ZNF746: variants seen among roughly 807,000 people sequenced by gnomAD.
The protein encoded by ZNF746 is parkin-interacting substrate.
ZNF746 carries 13 observed loss-of-function variants against 41.0 expected under a neutral mutation model. That is an observed-to-expected ratio of 0.32 (90% confidence interval 0.21 to 0.50). ZNF746 has a LOEUF of 0.50. ZNF746 is among the 20% of genes least tolerant of loss of function. The probability of loss-of-function intolerance (pLI) is 0.98; values close to 1 mark genes in which losing one functional copy is unlikely to be tolerated. For synonymous variants in ZNF746, 424 were observed against 396.2 expected, an observed-to-expected ratio of 1.07 and a Z score of -0.83; for missense variants, 811 against 922.9, an observed-to-expected ratio of 0.88 and a Z score of 1.57.
chr7:149,476,043 G>A (rs139082583), intron 6 of ZNF746, among the ~76,000 whole-genome samples: 18 of 152,282 alleles, frequency 1.2e-4, no homozygotes, highest in African/African-American at 2.6e-4. Flanking sequence ...GGCCAGGCGC[G>A]GTGGCTCACG....
At chr7:149,493,746 G>A (rs551025163) in intron 3 of ZNF746, among the ~76,000 whole-genome samples, 4 of 152,290 alleles carry the variant, frequency 2.6e-5, no homozygotes, top group South Asian at 2.1e-4. Flanking sequence ...TCCACATCCC[G>A]GGCCTGCGTA....
chr7:149,474,816 C>T lies in ZNF746; in HGVS notation c.1551G>A (p.Gly517=), dbSNP rs770396912. Reference sequence around the variant, plus strand: ...GGGCGCTGCCATCCCGTGCGCTGCCCCCACCGCTGCCGCCACCGCCGCCGC... The same window carrying T: ...GGGCGCTGCCATCCCGTGCGCTGCCTCCACCGCTGCCGCCACCGCCGCCGC... ...GSGGGGGGSG[G]GSARDGSALR... The change falls in exon 7 of 7, where the codon GGG becomes GGA. Residue 517 remains glycine (G), a synonymous_variant. Coordinates refer to ENST00000458143, the MANE Select transcript of ZNF746 (RefSeq NM_001394198.1). The surrounding 1 kb of genome is among the most constrained non-coding windows in gnomAD (Gnocchi z 6.3). 712 of 1,456,044 alleles carry T rather than the reference C, an allele frequency of 4.9e-4. No homozygotes were observed. Among genetic ancestry groups the T allele is most frequent in the Middle Eastern group, 2.6e-3 (12 of 4,584 alleles). 90.2% of individuals were successfully genotyped at this position (1,456,044 alleles called of 1,614,324 possible).
At position 149,495,823 on chromosome 7, in the gene ZNF746, C is replaced by A. The variant is rs146734086; in HGVS notation, c.25-1320G>T. Among the ~76,000 whole-genome samples, 374 of 152,246 alleles carry A rather than the reference C, an allele frequency of 2.5e-3. 9 individuals are homozygous for A. Among genetic ancestry groups the A allele is most frequent in the Admixed American group, 7.1e-3 (109 of 15,296 alleles). On this transcript the variant is annotated intron_variant, in intron 1 of 6. Coordinates refer to ENST00000458143, the MANE Select transcript of ZNF746 (RefSeq NM_001394198.1). The stretch of plus-strand genomic sequence containing the variant: ...ACTATCTATTTGGAAGGAAGCAGGA[C>A]CCAAAGAAGGTAGGACTCTAAGGGG...
chr7:149,497,459 G>C lies in ZNF746; in HGVS notation c.24+54C>G, dbSNP rs1801047067. 1 of 1,075,230 alleles carries C rather than the reference G, an allele frequency of 9.3e-7. No homozygotes were observed. The allele number at this position is 1,075,230 out of a possible 1,614,324, so 66.6% of individuals were successfully genotyped here. The stretch of plus-strand genomic sequence containing the variant: ...GCCTGCGGCGCCGTGTGCCGGGGCC[G>C]GGCCGCCTGGGGCCCCCAGGCCGCG... On this transcript the variant is annotated intron_variant, in intron 1 of 6. Coordinates refer to ENST00000458143, the MANE Select transcript of ZNF746 (RefSeq NM_001394198.1). The surrounding 1 kb of genome is among the most constrained non-coding windows in gnomAD (Gnocchi z 4.2).
Position 149,473,397 on chromosome 7 carries a change from C to G in ZNF746, c.*987G>C, listed in dbSNP as rs748377129. The G allele has an allele frequency of 1.3e-5, 2 of 152,238 alleles. No individual in the cohort carries two copies. The highest frequency in any genetic ancestry group is 2.9e-5 in the Non-Finnish European group (2 of 68,066). 9.4% of individuals were successfully genotyped at this position (152,238 alleles called of 1,614,324 possible). A position where few individuals can be genotyped will look rare whatever the true frequency, so the allele number is the denominator to read the frequency against. On this transcript the variant is annotated 3_prime_UTR_variant, in exon 7 of 7. Transcript: ENST00000458143. ...CACAGTGAGAGGCTGAGGTGTGTCC[C>G]CTCTGAGCAGTTTGCACCTCTAAAA...
chr7:149,497,151 G>A lies in ZNF746; in HGVS notation c.24+362C>T. On this transcript the variant is annotated intron_variant, in intron 1 of 6. Coordinates refer to ENST00000458143, the MANE Select transcript of ZNF746 (RefSeq NM_001394198.1). This position sits in a 1 kb window ranked among gnomAD's most constrained non-coding sequence, Gnocchi z 4.2. ...ACCAGGCCGCTGCGGGGGAGATGGA[G>A]AGGGACCTACAGGCCGAGCGCCAGG... The A allele has an allele frequency of 6.1e-6, 6 of 985,348 alleles. No individual in the cohort carries two copies. The highest frequency in any genetic ancestry group is 7.2e-6 in the Non-Finnish European group (6 of 829,916). 61.0% of individuals were successfully genotyped at this position (985,348 alleles called of 1,614,324 possible).
chr7:149,480,322 G>A (rs1444007410), intron 4 of ZNF746, among the ~76,000 whole-genome samples: 1 of 152,100 alleles, frequency 6.6e-6, no homozygotes, highest in Non-Finnish European at 1.5e-5. Context: ...AATAAAAAGG[G>A]GGAATGAAAG....
chr7:149,477,299 A>T (rs1278568805), intron 5 of ZNF746, among the ~76,000 whole-genome samples: 1 of 152,124 alleles, frequency 6.6e-6, no homozygotes, highest in African/African-American at 2.4e-5. Context: ...TCAATGCCCA[A>T]TGCTGGGGCA....
chr7:149,492,994 G>A lies in ZNF746; in HGVS notation c.452-22C>T, dbSNP rs771292767. ...TAGTCTGAGGAAAGACAGAAGGTTA[G>A]TTTTTGCCACGTTCCAGTCAAAGCT... On this transcript the variant is annotated intron_variant, in intron 3 of 6. Coordinates refer to ENST00000458143, the MANE Select transcript of ZNF746 (RefSeq NM_001394198.1). 1.2e-5 allele frequency: 18 copies of A among 1,563,182 alleles called. No individual in the cohort carries two copies. In the Admixed American group the frequency reaches 2.7e-4, roughly 23 times the overall value.
rs552379384 is a variant in ZNF746, at chr7:149,477,729, C to T, written c.592G>A (p.Asp198Asn). 1.9e-6 allele frequency: 3 copies of T among 1,609,712 alleles called. No individual in the cohort carries two copies. Among genetic ancestry groups the T allele is most frequent in the Non-Finnish European group, 2.5e-6 (3 of 1,176,890 alleles). ...TCCTGCTTGATCTGCATCAAGAGGT[C>T]TGGGGCGGGAACTGGGGGCCCCGAG... ...PGSGPPVPAP[D>N]LLMQIKQEGE... The change falls in exon 5 of 7, where the codon GAC (aspartate) becomes AAC (asparagine). Residue 198 changes from aspartate to asparagine, a missense_variant. Asp to Asn is a conservative substitution (Grantham distance 23). Coordinates refer to ENST00000458143, the MANE Select transcript of ZNF746 (RefSeq NM_001394198.1).
chr7:149,477,125 G>T, intron 5 of ZNF746, 78 bp from the exon 6 acceptor site: 4 of 1,490,406 alleles, frequency 2.7e-6, no homozygotes, highest in Non-Finnish European at 3.6e-6. Flanking sequence ...AGGAGAGCAG[G>T]CTAAACTCTG....
intron 5 of ZNF746, 75 bp downstream of exon 5, chr7:149,477,489 G>T: frequency 1.3e-6 from 2 of 1,487,978 alleles, no homozygotes; most frequent in Non-Finnish European, 1.8e-6. Context: ...GCTCCCCCAT[G>T]CTGCCACGAG....
intron 4 of ZNF746, among the ~76,000 whole-genome samples, chr7:149,480,549 C>CA (rs1800455329): frequency 6.6e-6 from 1 of 152,124 alleles, no homozygotes; most frequent in Admixed American, 6.5e-5. Context: ...TCTCCTGCCT[C>CA]AGCCTCCCCA....
intron 4 of ZNF746, among the ~76,000 whole-genome samples, chr7:149,492,328 C>A (rs1800831884): frequency 6.6e-6 from 1 of 152,158 alleles, no homozygotes; most frequent in South Asian, 2.1e-4. Context: ...TTTTCTCTTC[C>A]TTATGATTTT....
At chr7:149,493,035 G>T (rs879168454) in intron 3 of ZNF746, 63 bp from the exon 4 acceptor site, 2 of 1,104,628 alleles carry the variant, frequency 1.8e-6, no homozygotes, top group Admixed American at 3.9e-5. Context: ...CAGTCATCCC[G>T]GAAAACCAAC....
chr7:149,494,411 G>C lies in ZNF746; in HGVS notation c.117C>G (p.Thr39=), dbSNP rs764761302. ...AARLLSLEGR[T]GMAEKKLADC... ...CAGCCAGCTTCTTCTCGGCCATCCCGGTTCGACCTTCTAGGGAAAGCAGGC... is the reference window on the plus strand; with the variant it reads ...CAGCCAGCTTCTTCTCGGCCATCCCCGTTCGACCTTCTAGGGAAAGCAGGC... Residue 39 remains threonine (T), a synonymous_variant, in exon 2 of 7, where the codon ACC becomes ACG. Transcript: ENST00000458143. The surrounding 1 kb of genome is among the most constrained non-coding windows in gnomAD (Gnocchi z 5.6). The C allele has an allele frequency of 6.2e-7, 1 of 1,614,006 alleles. No homozygotes were observed. Among genetic ancestry groups the C allele is most frequent in the South Asian group, 1.1e-5 (1 of 91,074 alleles).
rs1339413210 is a variant in ZNF746 at position 149,497,441 on chromosome 7, G to A, written c.24+72C>T. 1.9e-6 allele frequency: 2 copies of A among 1,055,950 alleles called. No individual in the cohort carries two copies. Among genetic ancestry groups the A allele is most frequent in the Non-Finnish European group, 2.3e-6 (2 of 876,872 alleles). 65.4% of individuals were successfully genotyped at this position (1,055,950 alleles called of 1,614,324 possible). ...CCGGAACCCCTCCCCAGGGCCTGCG[G>A]CGCCGTGTGCCGGGGCCGGGCCGCC... On this transcript the variant is annotated intron_variant, in intron 1 of 6. Transcript: ENST00000458143. The surrounding 1 kb of genome is among the most constrained non-coding windows in gnomAD (Gnocchi z 4.2).
At chr7:149,478,838 C>T (rs950101849) in intron 4 of ZNF746, among the ~76,000 whole-genome samples, 6 of 152,154 alleles carry the variant, frequency 3.9e-5, no homozygotes, top group African/African-American at 1.4e-4. Flanking sequence ...TGAAAAAGAA[C>T]TCAACATTCT....
rs1050999812 is a variant in ZNF746 at position 149,475,382 on chromosome 7, G to A, written c.985C>T (p.Pro329Ser). Residue 329 changes from proline (P) to serine (S), a missense_variant, in exon 7 of 7, where the codon CCA (proline) becomes TCA (serine). By Grantham distance (74) the Pro-to-Ser change is moderately conservative. Coordinates refer to ENST00000458143, the MANE Select transcript of ZNF746 (RefSeq NM_001394198.1). ...GGGAAGAACCGTGTGGCTTGGCCTG[G>A]TCCAAACAGGGTCCCGTGAGCCTCT... ...DLEAHGTLFG[P>S]GQATRFFPSP... 4.3e-6 allele frequency: 7 copies of A among 1,614,080 alleles called. No homozygotes were observed. The Admixed American group carries it at 1.2e-4, about 27-fold the overall frequency.
Sources: gnomAD v4.1 joint callset for allele counts (sites outside exome capture counted in the v4.1 genomes callset) on GRCh38, gnomAD v4.1.1 for gene constraint, Gnocchi (gnomAD v3.1) non-coding constraint, MANE v1.5 for transcripts, NCBI Gene and HGNC (gene_info 2026-07-23, HGNC 2026-07-21) for gene names.